Variants in KCNJ6 observed in about 807,000 individuals in gnomAD.
KCNJ6 encodes the protein G protein-activated inward rectifier potassium channel 2.
KCNJ6 carries 9 observed loss-of-function variants against 34.2 expected under a neutral mutation model. The observed-to-expected ratio is 0.26, with a 90% CI of 0.16 to 0.46. The LOEUF is 0.46. Ranked by LOEUF, KCNJ6 falls within the 20% of genes least tolerant of loss-of-function variation. KCNJ6 has a pLI of 1.00. For missense variants in KCNJ6, 236 were observed against 531.3 expected (o/e 0.44, Z 5.46); for synonymous variants, 196 against 207.1 (o/e 0.95, Z 0.46).
chr21:37,863,188 G>A (rs2055603448), intron 1 of KCNJ6, among the ~76,000 whole-genome samples: 1 of 152,198 alleles, frequency 6.6e-6, no homozygotes, highest in Non-Finnish European at 1.5e-5. Context: ...AGTAATTCCT[G>A]ATTTATTAGT....
Position 37,714,530 on chromosome 21 carries a change from T to C in KCNJ6, c.627A>G (p.Ala209=), listed in dbSNP as rs1328691556. 17 of 1,614,050 alleles carry C rather than the reference T, an allele frequency of 1.1e-5. No homozygotes were observed. The highest frequency in any genetic ancestry group is 1.4e-5 in the Non-Finnish European group (17 of 1,180,030). ...GTTTCCCATCCCGCATGGAGATCAC[T>C]GCATGGGTGGAAAAGACCAGGGTCT... ...RAETLVFSTH[A]VISMRDGKLC... The change falls in exon 3 of 4, where the codon GCA becomes GCG. Residue 209 remains alanine (A), a synonymous_variant. Transcript: ENST00000609713. This position sits in a 1 kb window ranked among gnomAD's most constrained non-coding sequence, Gnocchi z 5.9.
At chr21:37,762,554 G>C (rs564808971) in intron 2 of KCNJ6, among the ~76,000 whole-genome samples, 4 of 152,202 alleles carry the variant, frequency 2.6e-5, no homozygotes, top group South Asian at 2.1e-4. Flanking sequence ...TTCTTTTTTC[G>C]GCAGCCTGAA....
chr21:37,674,863 T>G (rs1310612026), intron 3 of KCNJ6, among the ~76,000 whole-genome samples: 1 of 152,092 alleles, frequency 6.6e-6, no homozygotes, highest in Non-Finnish European at 1.5e-5. Flanking sequence ...GCGCATAGCA[T>G]GAGGGCAATA....
chr21:37,687,528 C>T (rs532980713), intron 3 of KCNJ6, among the ~76,000 whole-genome samples: 150 of 152,266 alleles, frequency 9.9e-4, no homozygotes, highest in Non-Finnish European at 1.7e-3. Flanking sequence ...ATTGGCTTTT[C>T]TCATAAAGGA....
At chr21:37,824,687 C>G (rs939865537) in intron 2 of KCNJ6, among the ~76,000 whole-genome samples, 1 of 152,194 alleles carries the variant, frequency 6.6e-6, no homozygotes, top group Non-Finnish European at 1.5e-5. Context: ...CCTGCGCACA[C>G]TTTCTTTCCT....
intron 1 of KCNJ6, among the ~76,000 whole-genome samples, chr21:37,857,262 G>C (rs1420654971): frequency 4.6e-5 from 7 of 152,190 alleles, no homozygotes; most frequent in Non-Finnish European, 7.4e-5. Flanking sequence ...ATTGGGCCAG[G>C]ATAAAGGTGG....
chr21:37,739,510 A>C (rs1344978964), intron 2 of KCNJ6, among the ~76,000 whole-genome samples: 1 of 152,218 alleles, frequency 6.6e-6, no homozygotes, highest in African/African-American at 2.4e-5. Context: ...ATAATGTGAT[A>C]TAATAAGGGG....
At chr21:37,665,459 T>A (rs2123402306) in intron 3 of KCNJ6, among the ~76,000 whole-genome samples, 1 of 152,314 alleles carries the variant, frequency 6.6e-6, no homozygotes. Flanking sequence ...CTCATGGGAA[T>A]CGGAAGTAGC....
intron 2 of KCNJ6, among the ~76,000 whole-genome samples, chr21:37,812,505 C>T (rs1446455847): frequency 6.6e-6 from 1 of 152,052 alleles, no homozygotes; most frequent in East Asian, 1.9e-4. Context: ...AATATTGATG[C>T]AAAAATCCTC....
chr21:37,653,555 C>A (rs1403969339), intron 3 of KCNJ6, among the ~76,000 whole-genome samples: 1 of 152,112 alleles, frequency 6.6e-6, no homozygotes, highest in Non-Finnish European at 1.5e-5. Flanking sequence ...TCTAACTGTG[C>A]TTAAAAAATA....
At position 37,618,700 on chromosome 21, in the gene KCNJ6, G is replaced by A. The variant is rs1323834250; in HGVS notation, c.*6459C>T. ...TGCATGTTGGGATTTGCATCTAGGG[G>A]GTATAGTGTCTAAAAATAACTCTAT... is the stretch of plus-strand genomic sequence containing the variant. On this transcript the variant is annotated 3_prime_UTR_variant, in exon 4 of 4. Transcript: ENST00000609713. 6.6e-6 allele frequency: 1 copy of A among 152,034 alleles called. No homozygotes were observed. Among genetic ancestry groups the A allele is most frequent in the Non-Finnish European group, 1.5e-5 (1 of 68,010 alleles). 9.4% of individuals were successfully genotyped at this position (152,034 alleles called of 1,614,324 possible). A position where few individuals can be genotyped will look rare whatever the true frequency, so the allele number is the denominator to read the frequency against.
intron 2 of KCNJ6, among the ~76,000 whole-genome samples, chr21:37,800,849 C>T (rs1210381878): frequency 2.0e-5 from 3 of 152,234 alleles, no homozygotes; most frequent in Admixed American, 6.5e-5. Flanking sequence ...TGAAATTCCA[C>T]ATCTGTCACA....
At chr21:37,678,078 A>C (rs1330434893) in intron 3 of KCNJ6, among the ~76,000 whole-genome samples, 1 of 152,142 alleles carries the variant, frequency 6.6e-6, no homozygotes, top group Non-Finnish European at 1.5e-5. Context: ...TTATGCACAA[A>C]GGCCCTATGG....
At chr21:37,816,093 C>CGA (rs2055345554) in intron 2 of KCNJ6, among the ~76,000 whole-genome samples, 2 of 152,236 alleles carry the variant, frequency 1.3e-5, no homozygotes, top group South Asian at 4.2e-4. Flanking sequence ...ATGCAGGGGC[C>CGA]GAGACCAGAG....
intron 2 of KCNJ6, among the ~76,000 whole-genome samples, chr21:37,731,786 G>A (rs2054886865): frequency 1.3e-5 from 2 of 152,232 alleles, no homozygotes; most frequent in African/African-American, 4.8e-5. Context: ...TCCACAGATA[G>A]TGCTCAGGAG....
rs1402297150 is a variant in KCNJ6 at position 37,610,658 on chromosome 21, A to G, written c.*14501T>C. The G allele has an allele frequency of 1.3e-5, 2 of 151,912 alleles. No homozygotes were observed. The highest frequency in any genetic ancestry group is 4.8e-5 in the African/African-American group (2 of 41,386). The allele number at this position is 151,912 out of a possible 1,614,324, so 9.4% of individuals were successfully genotyped here. ...CTACAATGTTTGCTCTTAGATAACA[A>G]TGGAATTAAGCTAGAAATCAGTAAC... On this transcript the variant is annotated 3_prime_UTR_variant, in exon 4 of 4. Transcript: ENST00000609713.
At chr21:37,728,787 A>G (rs1281970914) in intron 2 of KCNJ6, among the ~76,000 whole-genome samples, 2 of 152,144 alleles carry the variant, frequency 1.3e-5, no homozygotes, top group Non-Finnish European at 2.9e-5. Flanking sequence ...GACACATGTG[A>G]GAGATAATTC....
intron 1 of KCNJ6, among the ~76,000 whole-genome samples, chr21:37,887,261 C>T (rs17815177): frequency 0.031 from 4,732 of 152,278 alleles, 184 homozygotes; most frequent in Non-Finnish European, 0.038. Flanking sequence ...TACCTTACCC[C>T]AGAGTTAGCA....
At chr21:37,812,094 C>A (rs1233617578) in intron 2 of KCNJ6, among the ~76,000 whole-genome samples, 4 of 152,162 alleles carry the variant, frequency 2.6e-5, no homozygotes, top group African/African-American at 9.7e-5. Context: ...GTCCTTCTGA[C>A]CCCCGTGAAA....
Sources: allele counts gnomAD v4.1 joint callset (sites outside exome capture counted in the v4.1 genomes callset), GRCh38; gene constraint gnomAD v4.1.1; non-coding constraint Gnocchi (gnomAD v3.1); transcripts MANE v1.5; gene names NCBI Gene and HGNC (gene_info 2026-07-23, HGNC 2026-07-21).